The following CDH11 variants were observed in gnomAD, a reference collection of about 807,000 sequenced individuals.
CDH11 encodes the protein cadherin-11.
Under a neutral mutation model 67.8 loss-of-function variants are expected in CDH11, and 11 were observed. That is an observed-to-expected ratio of 0.16 (90% CI 0.10 to 0.27). CDH11 has a LOEUF of 0.27. Ranked by LOEUF, CDH11 falls within the 10% of genes least tolerant of loss-of-function variation. The probability of loss-of-function intolerance (pLI) is 1.00; values close to 1 mark genes in which losing one functional copy is unlikely to be tolerated. For missense variants in CDH11, 847 were observed against 1,031.2 expected, an observed-to-expected ratio of 0.82 and a Z score of 2.45; for synonymous variants, 419 against 400.0, an observed-to-expected ratio of 1.05 and a Z score of -0.57.
At chr16:65,072,157 C>G (rs2074428955) in intron 1 of CDH11, 1 of 152,360 alleles carries the variant, frequency 6.6e-6, no homozygotes, top group Admixed American at 6.5e-5. Context: ...AATCTCGGGA[C>G]ACCTCATGTG....
chr16:64,949,529 C>T (rs567459152), intron 12 of CDH11, among the ~76,000 whole-genome samples: 33 of 150,850 alleles, frequency 2.2e-4, no homozygotes, highest in African/African-American at 7.1e-4. Context: ...TGGGTTCAAG[C>T]GATTCTCCTG....
At chr16:65,031,064 G>A (rs535127083) in intron 2 of CDH11, among the ~76,000 whole-genome samples, 1 of 152,320 alleles carries the variant, frequency 6.6e-6, no homozygotes, top group East Asian at 1.9e-4. Context: ...CCTCTGAGTT[G>A]ATACAGTTCT....
intron 2 of CDH11, among the ~76,000 whole-genome samples, chr16:65,045,688 G>A (rs1002240378): frequency 6.6e-5 from 10 of 152,074 alleles, no homozygotes; most frequent in Non-Finnish European, 1.0e-4. Context: ...CAAGAATCAC[G>A]TAGGGACAGA....
At chr16:65,039,858 T>A (rs1182259444) in intron 2 of CDH11, among the ~76,000 whole-genome samples, 1 of 152,098 alleles carries the variant, frequency 6.6e-6, no homozygotes, top group East Asian at 1.9e-4. Context: ...TCAGACAGAT[T>A]TACAAGAAAA....
chr16:65,094,175 TA>T (rs1434843542), intron 1 of CDH11, among the ~76,000 whole-genome samples: 1 of 152,138 alleles, frequency 6.6e-6, no homozygotes, highest in Admixed American at 6.5e-5. Context: ...AAAGTAAAAG[TA>T]AGGTTGTTAA....
At chr16:65,032,184 A>G (rs764362596) in intron 2 of CDH11, among the ~76,000 whole-genome samples, 2 of 152,080 alleles carry the variant, frequency 1.3e-5, no homozygotes, top group African/African-American at 2.4e-5. Context: ...GATAATTCCT[A>G]AACTGGCAAA....
intron 1 of CDH11, among the ~76,000 whole-genome samples, chr16:65,098,613 A>G (rs1157481805): frequency 6.6e-6 from 1 of 151,658 alleles, no homozygotes. Context: ...CAATCCTTCC[A>G]CCTTGGCCTC....
At chr16:65,019,626 A>G (rs1335565358) in intron 2 of CDH11, among the ~76,000 whole-genome samples, 1 of 152,176 alleles carries the variant, frequency 6.6e-6, no homozygotes, top group African/African-American at 2.4e-5. Context: ...CAAACCTTTT[A>G]TAACACTTAT....
intron 2 of CDH11, among the ~76,000 whole-genome samples, chr16:65,053,469 G>T (rs1048444397): frequency 1.3e-5 from 2 of 152,140 alleles, no homozygotes; most frequent in African/African-American, 2.4e-5. Flanking sequence ...AAAGAAAAGG[G>T]GAAAAAAGCA....
intron 2 of CDH11, among the ~76,000 whole-genome samples, chr16:65,012,212 T>C (rs1240819124): frequency 6.6e-6 from 1 of 152,232 alleles, no homozygotes; most frequent in Non-Finnish European, 1.5e-5. Flanking sequence ...AATACTTGCC[T>C]AGTCAAACCT....
intron 6 of CDH11, among the ~76,000 whole-genome samples, chr16:64,991,161 A>G (rs1314295864): frequency 2.6e-5 from 4 of 152,096 alleles, no homozygotes; most frequent in African/African-American, 9.7e-5. Flanking sequence ...CACACTTTCC[A>G]AAACCAGCCC....
intron 11 of CDH11, among the ~76,000 whole-genome samples, chr16:64,969,648 A>C (rs1053583532): frequency 1.1e-4 from 16 of 152,232 alleles, no homozygotes; most frequent in Non-Finnish European, 4.4e-5. Context: ...GTGAAACTGG[A>C]AACAAATTTG....
intron 1 of CDH11, among the ~76,000 whole-genome samples, chr16:65,068,382 A>C (rs924701111): frequency 7.2e-6 from 1 of 138,220 alleles, no homozygotes; most frequent in African/African-American, 2.7e-5. Flanking sequence ...GAGAAGAATG[A>C]AGGGAGCTCC....
chr16:65,099,010 T>TAACC (rs2074945334), intron 1 of CDH11, among the ~76,000 whole-genome samples: 1 of 152,336 alleles, frequency 6.6e-6, no homozygotes, highest in African/African-American at 2.4e-5. Context: ...ATGTGCTTTG[T>TAACC]AACCGTCTAT....
rs114364127 is a variant in CDH11 at position 65,031,047 on chromosome 16, C to T, written c.-173+22757G>A. ...ATTGAGGAATTAGGAATAATGTTCT[C>T]TTTCATCCTCTGAGTTGATACAGTT... On this transcript the variant is annotated intron_variant, in intron 2 of 12. Coordinates refer to ENST00000268603, the MANE Select transcript of CDH11 (RefSeq NM_001797.4). Among the ~76,000 whole-genome samples, 951 of 152,312 alleles carry T rather than the reference C, an allele frequency of 6.2e-3. 10 individuals carry two copies. The highest frequency in any genetic ancestry group is 0.021 in the African/African-American group (884 of 41,552).
At chr16:65,076,744 G>C (rs1211483766) in intron 1 of CDH11, among the ~76,000 whole-genome samples, 1 of 121,754 alleles carries the variant, frequency 8.2e-6, no homozygotes. Context: ...TGTTCTCATT[G>C]TTAAACTCCC....
At chr16:65,044,515 G>A (rs563522373) in intron 2 of CDH11, among the ~76,000 whole-genome samples, 8 of 152,058 alleles carry the variant, frequency 5.3e-5, no homozygotes, top group Non-Finnish European at 1.0e-4. Flanking sequence ...ACCCGTGGAA[G>A]TGATAGACAC....
chr16:64,978,895 T>TA (rs1018192871), intron 8 of CDH11, among the ~76,000 whole-genome samples: 13 of 150,314 alleles, frequency 8.6e-5, no homozygotes, highest in East Asian at 3.9e-4. Flanking sequence ...TCATAGACAT[T>TA]AAAAAAAAAG....
chr16:65,070,439 T>C (rs2088285), intron 1 of CDH11, among the ~76,000 whole-genome samples: 47,929 of 152,004 alleles, frequency 0.32, 8,768 homozygotes, highest in Non-Finnish European at 0.42. Context: ...CGTGTGACTT[T>C]GAGTGAATGG....
Sources: gnomAD v4.1 joint callset for allele counts (sites outside exome capture counted in the v4.1 genomes callset) on GRCh38, gnomAD v4.1.1 for gene constraint, MANE v1.5 for transcripts, NCBI Gene and HGNC (gene_info 2026-07-23, HGNC 2026-07-21) for gene names.